The following FRMD4A variants were observed in gnomAD, a reference collection of about 807,000 sequenced individuals.
FRMD4A encodes FERM domain containing 4A.
In FRMD4A, 29 loss-of-function variants were observed where a neutral mutation model predicts 129.1. The ratio of observed to expected loss-of-function variants is 0.22; its 90% CI spans 0.17 to 0.31. FRMD4A has a LOEUF of 0.31. Ranked by LOEUF, FRMD4A falls within the 10% of genes least tolerant of loss-of-function variation. The pLI is 1.00. For synonymous variants in FRMD4A, 634 were observed against 571.6 expected, an observed-to-expected ratio of 1.11 and a Z score of -1.56; for missense variants, 1,272 against 1,375.8, an observed-to-expected ratio of 0.92 and a Z score of 1.19.
chr10:13,769,532 A>T (rs1409871276), intron 6 of FRMD4A, among the ~76,000 whole-genome samples: 3 of 151,772 alleles, frequency 2.0e-5, no homozygotes, highest in Non-Finnish European at 2.9e-5. Context: ...GTGGTCTAGA[A>T]CTCCTGGGCT....
chr10:13,811,080 C>T (rs1265002323), intron 3 of FRMD4A, among the ~76,000 whole-genome samples, 172 bp from the exon 4 acceptor site: 1 of 151,806 alleles, frequency 6.6e-6, no homozygotes, highest in Non-Finnish European at 1.5e-5. Flanking sequence ...GATGAGCACA[C>T]AGCCAAGTCA....
intron 2 of FRMD4A, among the ~76,000 whole-genome samples, chr10:13,944,259 A>G (rs562122464): frequency 6.6e-6 from 1 of 151,984 alleles, no homozygotes; most frequent in East Asian, 1.9e-4. Flanking sequence ...CCATCAGATT[A>G]GCAGTGGCAT....
At chr10:13,828,795 G>C (rs1401156672) in intron 3 of FRMD4A, among the ~76,000 whole-genome samples, 2 of 152,168 alleles carry the variant, frequency 1.3e-5, no homozygotes, top group African/African-American at 4.8e-5. Flanking sequence ...GCCTCGCAAA[G>C]TGCTGGGATT....
At chr10:14,068,767 T>C (rs1177202755) in intron 2 of FRMD4A, among the ~76,000 whole-genome samples, 3 of 152,176 alleles carry the variant, frequency 2.0e-5, no homozygotes, top group Non-Finnish European at 4.4e-5. Flanking sequence ...ATATTAGGTT[T>C]AATTGGAGTA....
intron 2 of FRMD4A, among the ~76,000 whole-genome samples, chr10:14,051,743 T>C (rs7902073): frequency 0.05 from 7,636 of 152,256 alleles, 315 homozygotes; most frequent in East Asian, 0.13. Flanking sequence ...CACAGAGCAC[T>C]AGCAGCTTTC....
At chr10:14,023,800 A>C (rs1482163514) in intron 2 of FRMD4A, among the ~76,000 whole-genome samples, 3 of 152,192 alleles carry the variant, frequency 2.0e-5, no homozygotes, top group Non-Finnish European at 4.4e-5. Context: ...TTAGCAGAGA[A>C]TCTCTCAAAC....
At chr10:14,030,188 T>C (rs1329688846) in intron 2 of FRMD4A, among the ~76,000 whole-genome samples, 2 of 152,226 alleles carry the variant, frequency 1.3e-5, no homozygotes, top group Non-Finnish European at 2.9e-5. Context: ...TGCACAGCGA[T>C]GTGACTGAGT....
intron 2 of FRMD4A, among the ~76,000 whole-genome samples, chr10:14,279,587 AAGAC>A (rs1370170865): frequency 1.3e-5 from 2 of 152,184 alleles, no homozygotes; most frequent in Admixed American, 1.3e-4. Context: ...TCTTCCAAGA[AAGAC>A]AGTTACTCCT....
At chr10:13,922,106 A>T (rs1382727083) in intron 2 of FRMD4A, among the ~76,000 whole-genome samples, 2 of 152,204 alleles carry the variant, frequency 1.3e-5, no homozygotes, top group Non-Finnish European at 2.9e-5. Context: ...TCTGCAAGCC[A>T]GGAAGAGAGC....
intron 2 of FRMD4A, among the ~76,000 whole-genome samples, chr10:13,933,288 C>CT (rs35297143): frequency 0.37 from 56,091 of 151,982 alleles, 11,686 homozygotes; most frequent in Non-Finnish European, 0.46. Flanking sequence ...GACTTTGTAA[C>CT]TTACTTCATC....
chr10:13,832,376 A>T (rs10906505), intron 3 of FRMD4A, among the ~76,000 whole-genome samples: 6 of 152,026 alleles, frequency 3.9e-5, no homozygotes, highest in African/African-American at 1.5e-4. Flanking sequence ...GAGAGGTTTC[A>T]GAACAGGAAG....
chr10:13,955,296 C>T (rs776778475), intron 2 of FRMD4A, among the ~76,000 whole-genome samples: 7 of 152,016 alleles, frequency 4.6e-5, no homozygotes, highest in Non-Finnish European at 7.4e-5. Context: ...TTAGTGGAGA[C>T]GGGGTTTCGC....
At chr10:13,732,113 G>A (rs1294567222) in intron 12 of FRMD4A, among the ~76,000 whole-genome samples, 1 of 152,122 alleles carries the variant, frequency 6.6e-6, no homozygotes, top group Non-Finnish European at 1.5e-5. Flanking sequence ...AATGTTCTCT[G>A]TTCTCGGAGC....
chr10:14,013,839 G>C (rs546719073), intron 2 of FRMD4A, among the ~76,000 whole-genome samples: 1 of 152,254 alleles, frequency 6.6e-6, no homozygotes, highest in African/African-American at 2.4e-5. Context: ...GCTGAGGCAG[G>C]AGAATCACTT....
intron 2 of FRMD4A, among the ~76,000 whole-genome samples, chr10:14,159,597 C>T (rs1840774757): frequency 6.6e-6 from 1 of 152,064 alleles, no homozygotes; most frequent in South Asian, 2.1e-4. Context: ...ATCCAAATAC[C>T]AATGACATTC....
chr10:13,964,086 G>A (rs1392060287), intron 2 of FRMD4A, among the ~76,000 whole-genome samples: 1 of 151,104 alleles, frequency 6.6e-6, no homozygotes, highest in Non-Finnish European at 1.5e-5. Context: ...CCAGAGAGGA[G>A]AGGACCAGGT....
chr10:13,879,350 A>G (rs887111657), intron 2 of FRMD4A, among the ~76,000 whole-genome samples: 2 of 152,084 alleles, frequency 1.3e-5, no homozygotes, highest in Admixed American at 6.6e-5. Flanking sequence ...AACAAAAAAA[A>G]TCTTTTAAAA....
In FRMD4A at chr10:14,206,525, C is replaced by G. The variant is rs181289974; in HGVS notation, c.45+123533G>C. 3.1e-3 allele frequency among the ~76,000 whole-genome samples: 468 copies of G among 152,178 alleles called. 1 individual carries two copies. The highest frequency in any genetic ancestry group is 5.2e-3 in the Admixed American group (79 of 15,282). ...TCTTTAAAAAGAGAAAGACTGGGCTCAGTGGCTCACGCCTGTAATCCCAAC... is the reference window on the plus strand; with the variant it reads ...TCTTTAAAAAGAGAAAGACTGGGCTGAGTGGCTCACGCCTGTAATCCCAAC... On this transcript the variant is annotated intron_variant, in intron 2 of 24. Coordinates refer to ENST00000357447, the MANE Select transcript of FRMD4A (RefSeq NM_018027.5).
chr10:13,844,465 C>G (rs1333030156), intron 3 of FRMD4A, among the ~76,000 whole-genome samples: 1 of 152,074 alleles, frequency 6.6e-6, no homozygotes, highest in East Asian at 1.9e-4. Flanking sequence ...AAGATTGACA[C>G]TATTTTAAGA....
Sources: allele counts gnomAD v4.1 joint callset (sites outside exome capture counted in the v4.1 genomes callset), GRCh38; gene constraint gnomAD v4.1.1; transcripts MANE v1.5; gene names NCBI Gene and HGNC (gene_info 2026-07-23, HGNC 2026-07-21).